The following RALGAPA2 variants were observed in gnomAD, a reference collection of about 807,000 sequenced individuals.
The protein encoded by RALGAPA2 is Ral GTPase activating protein catalytic subunit alpha 2, also known as ral GTPase-activating protein subunit alpha-2.
In RALGAPA2, 139 loss-of-function variants were observed where a neutral mutation model predicts 230.4. That is an observed-to-expected ratio of 0.60 (90% CI 0.53 to 0.69). The LOEUF (loss-of-function observed/expected upper bound fraction) is 0.69. RALGAPA2 is among the 30% of genes least tolerant of loss of function. The pLI, the probability that RALGAPA2 is intolerant of heterozygous loss-of-function variation, is 0.00. For missense variants in RALGAPA2, 2,163 were observed against 2,276.0 expected (o/e 0.95, Z 1.01); for synonymous variants, 847 against 837.8 (o/e 1.01, Z -0.19).
intron 14 of RALGAPA2, among the ~76,000 whole-genome samples, chr20:20,605,735 A>G (rs894855104): frequency 6.6e-6 from 1 of 152,164 alleles, no homozygotes; most frequent in African/African-American, 2.4e-5. Flanking sequence ...CTCTTTTCCT[A>G]CCATCCACAG....
At chr20:20,591,524 T>C (rs754960075) in intron 16 of RALGAPA2, among the ~76,000 whole-genome samples, 1 of 152,176 alleles carries the variant, frequency 6.6e-6, no homozygotes, top group Non-Finnish European at 1.5e-5. Context: ...TTAAGTTCTA[T>C]AAAGCCTTTT....
At chr20:20,636,539 CGTGT>C (rs10534892) in intron 8 of RALGAPA2, among the ~76,000 whole-genome samples, 10 of 149,728 alleles carry the variant, frequency 6.7e-5, no homozygotes, top group Middle Eastern at 3.5e-3. Context: ...CTTCTCTCCC[CGTGT>C]GTGTGTGTGT....
chr20:20,604,364 T>G (rs997203017), intron 15 of RALGAPA2, among the ~76,000 whole-genome samples: 1 of 152,174 alleles, frequency 6.6e-6, no homozygotes, highest in Non-Finnish European at 1.5e-5. Flanking sequence ...TAACTTTCAT[T>G]TGAGGTTCTC....
chr20:20,582,519 A>G (rs1000106147), intron 20 of RALGAPA2, among the ~76,000 whole-genome samples: 1 of 152,112 alleles, frequency 6.6e-6, no homozygotes, highest in African/African-American at 2.4e-5. Flanking sequence ...ATATTGCTTG[A>G]CACACACGGT....
At chr20:20,421,602 G>A (rs1041545808) in intron 37 of RALGAPA2, among the ~76,000 whole-genome samples, 3 of 152,118 alleles carry the variant, frequency 2.0e-5, no homozygotes, top group Non-Finnish European at 4.4e-5. Flanking sequence ...CCCGGGAGGC[G>A]GAGGTTGCAG....
At position 20,425,175 on chromosome 20, in the gene RALGAPA2, A is replaced by G. The variant is rs571731681; in HGVS notation, c.5496-13027T>C. On this transcript the variant is annotated intron_variant, in intron 37 of 39. Transcript: ENST00000202677. ...AACTGACAAGTATAAGAAAACATCT[A>G]TAGCAGATACTCTGGTTATCCATTC... Among the ~76,000 whole-genome samples the G allele has an allele frequency of 1.2e-4, 18 of 152,322 alleles. No homozygotes were observed. In the South Asian group the frequency reaches 3.7e-3, roughly 32 times the overall value.
intron 9 of RALGAPA2, among the ~76,000 whole-genome samples, chr20:20,630,779 G>A (rs969424347): frequency 7.9e-5 from 12 of 152,052 alleles, no homozygotes; most frequent in African/African-American, 2.4e-4. Context: ...GGCAACCCAC[G>A]CAACGCACTT....
intron 36 of RALGAPA2, among the ~76,000 whole-genome samples, chr20:20,493,591 G>A (rs539059549): frequency 1.3e-5 from 2 of 152,162 alleles, no homozygotes; most frequent in South Asian, 4.2e-4. Context: ...GACATTTTTA[G>A]GACATTAAAT....
At chr20:20,539,200 TC>T (rs1399815626) in intron 24 of RALGAPA2, among the ~76,000 whole-genome samples, 1 of 152,066 alleles carries the variant, frequency 6.6e-6, no homozygotes, top group African/African-American at 2.4e-5. Flanking sequence ...TGCATCTTCC[TC>T]CCCCACTGCC....
At position 20,505,538 on chromosome 20, in the gene RALGAPA2, T is replaced by C. The variant is rs761682730; in HGVS notation, c.4929-4A>G. The C allele has an allele frequency of 1.9e-6, 3 of 1,554,480 alleles. No homozygotes were observed. The highest frequency in any genetic ancestry group is 1.2e-5 in the South Asian group (1 of 81,246). On this transcript the variant is annotated splice_polypyrimidine_tract_variant and splice_region_variant and intron_variant, in intron 33 of 39. Transcript: ENST00000202677. ...TGCGATTTTGTGTGTCTCACGGCTA[T>C]AAATTTTTAAATTTAAAGGAGTTAG...
At chr20:20,703,847 T>G (rs1249693784) in intron 1 of RALGAPA2, among the ~76,000 whole-genome samples, 1 of 152,176 alleles carries the variant, frequency 6.6e-6, no homozygotes, top group East Asian at 1.9e-4. Context: ...CTAGGGCACA[T>G]GTTCATTGAG....
At chr20:20,470,543 TA>T (rs2061516366) in intron 37 of RALGAPA2, among the ~76,000 whole-genome samples, 1 of 152,132 alleles carries the variant, frequency 6.6e-6, no homozygotes, top group Non-Finnish European at 1.5e-5. Context: ...CCAGCATGTG[TA>T]ATCTCCCCAA....
At chr20:20,685,175 A>G (rs1262561934) in intron 1 of RALGAPA2, among the ~76,000 whole-genome samples, 2 of 152,174 alleles carry the variant, frequency 1.3e-5, no homozygotes, top group East Asian at 3.9e-4. Context: ...CAGACAGGCA[A>G]TCTTGACCCA....
intron 37 of RALGAPA2, among the ~76,000 whole-genome samples, chr20:20,438,702 G>T (rs1378762110): frequency 6.6e-6 from 1 of 152,192 alleles, no homozygotes; most frequent in Non-Finnish European, 1.5e-5. Flanking sequence ...AGCTGGGGTT[G>T]CCAGGAAGAC....
chr20:20,439,087 A>T (rs1253305338), intron 37 of RALGAPA2, among the ~76,000 whole-genome samples: 1 of 152,112 alleles, frequency 6.6e-6, no homozygotes, highest in East Asian at 1.9e-4. Context: ...GGAAACGGAG[A>T]CTAGGAGACG....
At chr20:20,597,705 G>T (rs944436066) in intron 16 of RALGAPA2, among the ~76,000 whole-genome samples, 2 of 151,968 alleles carry the variant, frequency 1.3e-5, no homozygotes, top group African/African-American at 2.4e-5. Context: ...CAGGTGTGAT[G>T]GCACACACCT....
intron 3 of RALGAPA2, among the ~76,000 whole-genome samples, chr20:20,674,555 T>C (rs1458528697): frequency 6.6e-6 from 1 of 152,168 alleles, no homozygotes; most frequent in African/African-American, 2.4e-5. Flanking sequence ...GGCAAGTATG[T>C]CCACTCCTTA....
At chr20:20,416,376 A>G (rs2060165364) in intron 37 of RALGAPA2, among the ~76,000 whole-genome samples, 1 of 152,128 alleles carries the variant, frequency 6.6e-6, no homozygotes, top group Non-Finnish European at 1.5e-5. Context: ...CATTTTACTG[A>G]TCAGGTAATG....
intron 38 of RALGAPA2, among the ~76,000 whole-genome samples, chr20:20,403,660 G>A (rs2059892680): frequency 1.3e-5 from 2 of 152,168 alleles, no homozygotes; most frequent in Non-Finnish European, 2.9e-5. Flanking sequence ...TGGAGGCTGT[G>A]GTGCTAACTG....
Sources: allele counts gnomAD v4.1 joint callset (sites outside exome capture counted in the v4.1 genomes callset), GRCh38; gene constraint gnomAD v4.1.1; transcripts MANE v1.5; gene names NCBI Gene and HGNC (gene_info 2026-07-23, HGNC 2026-07-21).